Variants in OC90 observed in about 807,000 individuals in gnomAD.
OC90 encodes otoconin-90.
OC90 carries 46 observed loss-of-function variants against 47.3 expected under a neutral mutation model. The ratio of observed to expected loss-of-function variants is 0.97; its 90% CI spans 0.77 to 1.24. OC90 has a LOEUF of 1.24. Ranked by LOEUF, OC90 falls within the 50% of genes most tolerant of loss-of-function variation. The pLI, the probability that OC90 is intolerant of heterozygous loss-of-function variation, is 0.00. For missense variants in OC90, 688 were observed against 583.9 expected, an observed-to-expected ratio of 1.18 and a Z score of -1.84; for synonymous variants, 271 against 219.5, an observed-to-expected ratio of 1.23 and a Z score of -2.07.
intron 1 of OC90, among the ~76,000 whole-genome samples, chr8:132,057,913 A>T (rs1438782066): frequency 6.6e-6 from 1 of 152,258 alleles, no homozygotes; most frequent in Non-Finnish European, 1.5e-5. Context: ...GACCAGACCC[A>T]GGTGGGCCAG....
At position 132,041,151 on chromosome 8, in the gene OC90, CA is replaced by C; in HGVS notation, c.349del (p.Cys117AlafsTer54). On this transcript the variant is annotated frameshift_variant, in exon 6 of 14. Transcript: ENST00000254627. LOFTEE classifies it high-confidence loss of function. ...GLPVDESDSC[C>X]FQHRRCYEEA... ...CTCATAGCACCTGCGGTGCTGGAAG[CA>C]GCAGCTGTAGGAAGGCCGGGAGGAG... is the stretch of plus-strand genomic sequence containing the variant. 6.2e-7 allele frequency: 1 copy of C among 1,610,644 alleles called. No homozygotes were observed. Among genetic ancestry groups the C allele is most frequent in the East Asian group, 2.2e-5 (1 of 44,866 alleles).
intron 1 of OC90, among the ~76,000 whole-genome samples, 155 bp downstream of exon 1, chr8:132,059,186 A>C (rs1369451150): frequency 2.9e-3 from 230 of 78,100 alleles, no homozygotes; most frequent in Middle Eastern, 6.9e-3. Context: ...TCCCTCCCTC[A>C]CTCTTTTCCT....
intron 4 of OC90, among the ~76,000 whole-genome samples, chr8:132,043,698 GA>G (rs1463339538): frequency 6.6e-6 from 1 of 152,092 alleles, no homozygotes; most frequent in Non-Finnish European, 1.5e-5. Flanking sequence ...GACCTAATCA[GA>G]AAAATAAAGA....
chr8:132,037,804 C>G (rs1563730655), intron 8 of OC90, among the ~76,000 whole-genome samples: 1 of 152,134 alleles, frequency 6.6e-6, no homozygotes, highest in Non-Finnish European at 1.5e-5. Context: ...GACCTCTGTT[C>G]CAAAGGGAGG....
chr8:132,050,712 A>G (rs932333075), intron 2 of OC90, among the ~76,000 whole-genome samples: 1 of 152,098 alleles, frequency 6.6e-6, no homozygotes, highest in African/African-American at 2.4e-5. Context: ...ATACAATATA[A>G]CTGCATAGGC....
At chr8:132,026,622 A>G (rs1417634486) in intron 13 of OC90, among the ~76,000 whole-genome samples, 1 of 152,184 alleles carries the variant, frequency 6.6e-6, no homozygotes, top group African/African-American at 2.4e-5. Context: ...CTATCCTTAA[A>G]TCTCACAGAG....
chr8:132,028,156 G>A (rs567496139), intron 13 of OC90, among the ~76,000 whole-genome samples: 5 of 152,220 alleles, frequency 3.3e-5, no homozygotes, highest in African/African-American at 1.2e-4. Context: ...TCACCCCCTT[G>A]ACAGTGAATC....
At chr8:132,027,517 T>G (rs535951904) in intron 13 of OC90, among the ~76,000 whole-genome samples, 1 of 152,342 alleles carries the variant, frequency 6.6e-6, no homozygotes, top group South Asian at 2.1e-4. Flanking sequence ...GAACAAACTC[T>G]TATAGGGCCT....
At chr8:132,052,243 G>A (rs2130864427) in intron 2 of OC90, among the ~76,000 whole-genome samples, 1 of 152,324 alleles carries the variant, frequency 6.6e-6, no homozygotes, top group East Asian at 1.9e-4. Context: ...CTTTCAGGCA[G>A]GGAGGTAGAC....
chr8:132,035,406 A>G (rs1057487483), intron 9 of OC90, among the ~76,000 whole-genome samples: 3 of 152,192 alleles, frequency 2.0e-5, no homozygotes, highest in Non-Finnish European at 4.4e-5. Context: ...AGACACACAG[A>G]AAAGTTAGGT....
At chr8:132,028,724 GAGAA>G (rs1554613392) in intron 13 of OC90, among the ~76,000 whole-genome samples, 34 of 128,948 alleles carry the variant, frequency 2.6e-4, no homozygotes, top group East Asian at 6.4e-4. Flanking sequence ...AAGAAAGAAA[GAGAA>G]AGAAAGAAAG....
intron 2 of OC90, among the ~76,000 whole-genome samples, chr8:132,048,218 T>TA (rs1481243794): frequency 6.6e-6 from 1 of 152,234 alleles, no homozygotes; most frequent in Non-Finnish European, 1.5e-5. Context: ...CAGACTAAGC[T>TA]AAATTTGACA....
At position 132,029,108 on chromosome 8, in the gene OC90, C is replaced by A. The variant is rs748148008; in HGVS notation, c.1103G>T (p.Trp368Leu). The change falls in exon 13 of 14, where the codon TGG becomes TTG. Residue 368 changes from tryptophan (W) to leucine (L), a missense_variant. Coordinates refer to ENST00000254627, the MANE Select transcript of OC90 (RefSeq NM_001080399.3). ...ATGATCCACACACACCACCGGTGAC[C>A]AAGGAAGCCTCTCAAGCAGGCAGCC... is the stretch of plus-strand genomic sequence containing the variant. ...RLGCLLERLP[W>L]SPVVCVDHTP... 21 of 1,613,826 alleles carry A rather than the reference C, an allele frequency of 1.3e-5. No homozygotes were observed. In the South Asian group the frequency reaches 1.3e-4, roughly 10 times the overall value.
At chr8:132,050,728 G>A (rs1398065898) in intron 2 of OC90, among the ~76,000 whole-genome samples, 5 of 152,126 alleles carry the variant, frequency 3.3e-5, no homozygotes, top group African/African-American at 4.8e-5. Context: ...TAGGCCGGGC[G>A]CGGTGCCCAC....
chr8:132,032,972 C>CGGTGATT (rs1039795798), intron 11 of OC90, 67 bp downstream of exon 11: 4 of 1,546,816 alleles, frequency 2.6e-6, no homozygotes, highest in Non-Finnish European at 3.5e-6. Flanking sequence ...AGGTGGCCTA[C>CGGTGATT]GGTGATTGTT....
chr8:132,053,104 C>T (rs548084277), intron 2 of OC90, among the ~76,000 whole-genome samples: 29 of 152,246 alleles, frequency 1.9e-4, no homozygotes, highest in Non-Finnish European at 3.8e-4. Flanking sequence ...GTTACCCTCG[C>T]ATTACTGACT....
At chr8:132,045,043 C>G (rs1371904032) in intron 3 of OC90, among the ~76,000 whole-genome samples, 1 of 152,180 alleles carries the variant, frequency 6.6e-6, no homozygotes, top group African/African-American at 2.4e-5. Context: ...GCTGCCATGG[C>G]CTGCTGGCAT....
chr8:132,031,871 C>T lies in OC90; in HGVS notation c.1031+10G>A, dbSNP rs1180709527. On this transcript the variant is annotated intron_variant, in intron 12 of 13. Transcript: ENST00000254627. ...ACTACACCAGAGCTGTCACCGCTGG[C>T]TCTCCATACCTGTCTAGGTCATCCC... 1 of 1,612,636 alleles carries T rather than the reference C, an allele frequency of 6.2e-7. No individual in the cohort carries two copies. The highest frequency in any genetic ancestry group is 8.5e-7 in the Non-Finnish European group (1 of 1,179,186).
chr8:132,024,216 T>C lies in OC90; in HGVS notation c.*265A>G. The C allele has an allele frequency of 2.8e-6, 1 of 356,208 alleles. No homozygotes were observed. Among genetic ancestry groups the C allele is most frequent in the Non-Finnish European group, 5.1e-6 (1 of 197,326 alleles). The allele number at this position is 356,208 out of a possible 1,614,324, so 22.1% of individuals were successfully genotyped here. On this transcript the variant is annotated 3_prime_UTR_variant, in exon 14 of 14. Transcript: ENST00000254627. ...TCTTAAAAGCAAAACAATCAGAGCATGTTGATTGGAGTATTTATTGAGCTT... is the reference window on the plus strand; with the variant it reads ...TCTTAAAAGCAAAACAATCAGAGCACGTTGATTGGAGTATTTATTGAGCTT...
Sources: allele counts gnomAD v4.1 joint callset (sites outside exome capture counted in the v4.1 genomes callset), GRCh38; gene constraint gnomAD v4.1.1; transcripts MANE v1.5; gene names NCBI Gene and HGNC (gene_info 2026-07-23, HGNC 2026-07-21).